The following JCAD variants were observed in gnomAD, a reference collection of about 807,000 sequenced individuals.
JCAD encodes the protein junctional cadherin 5 associated, also known as junctional cadherin 5-associated protein.
In JCAD, 40 loss-of-function variants were observed where a neutral mutation model predicts 98.0. The ratio of observed to expected loss-of-function variants is 0.41; its 90% CI spans 0.32 to 0.53. The LOEUF is 0.53. Ranked by LOEUF, JCAD falls within the 20% of genes least tolerant of loss-of-function variation. The probability of loss-of-function intolerance (pLI) is 0.31; values close to 1 mark genes in which losing one functional copy is unlikely to be tolerated. For missense variants in JCAD, 1,705 were observed against 1,738.1 expected (o/e 0.98, Z 0.34); for synonymous variants, 691 against 682.3 (o/e 1.01, Z -0.20).
At chr10:30,089,360 A>G (rs1838220697) in intron 1 of JCAD, among the ~76,000 whole-genome samples, 1 of 152,180 alleles carries the variant, frequency 6.6e-6, no homozygotes, top group African/African-American at 2.4e-5. Context: ...GGAGAAGAGC[A>G]TCTGTCTTCC....
upstream of JCAD, among the ~76,000 whole-genome samples, chr10:30,064,075 G>C (rs898011256): frequency 3.3e-5 from 5 of 152,134 alleles, no homozygotes; most frequent in Non-Finnish European, 7.4e-5. Flanking sequence ...AAAGTGGTGG[G>C]ATTACAGGTG....
At chr10:30,108,713 C>T (rs980801251) in intron 1 of JCAD, among the ~76,000 whole-genome samples, 4 of 152,174 alleles carry the variant, frequency 2.6e-5, no homozygotes, top group African/African-American at 9.7e-5. Context: ...ATTTCAGCCA[C>T]TACATGCTTC....
chr10:30,077,247 G>A (rs7076240), intron 1 of JCAD, among the ~76,000 whole-genome samples: 2,345 of 152,222 alleles, frequency 0.015, 53 homozygotes, highest in African/African-American at 0.053. Context: ...TGAGCAAATA[G>A]AATCAAATAG....
intron 1 of JCAD, among the ~76,000 whole-genome samples, chr10:30,080,888 C>T (rs1838070659): frequency 6.6e-6 from 1 of 152,248 alleles, no homozygotes; most frequent in African/African-American, 2.4e-5. Flanking sequence ...CAGCATCTTC[C>T]TGTCCATGAT....
intron 1 of JCAD, among the ~76,000 whole-genome samples, chr10:30,071,355 C>G (rs1467667273): frequency 5.3e-5 from 8 of 152,090 alleles, no homozygotes; most frequent in Non-Finnish European, 1.5e-5. Context: ...ATCAAAGAGG[C>G]ACTAGCATGT....
Position 30,079,054 on chromosome 10 carries a change from CTGCTGGTAA to C in JCAD, n.129-9242_129-9234del, listed in dbSNP as rs541328987. Among the ~76,000 whole-genome samples the C allele has an allele frequency of 1.6e-3, 239 of 152,298 alleles. 3 individuals are homozygous for C. Among genetic ancestry groups the C allele is most frequent in the Middle Eastern group, 0.01 (3 of 294 alleles). ...CAGTCAACAGCAGGGAAACCCACCT[CTGCTGGTAA>C]TGCCAGCCTAGAAATCTGGCTGAAC... On this transcript the variant is annotated intron_variant and non_coding_transcript_variant, in intron 1 of 2. Coordinates refer to the JCAD transcript ENST00000465712.
chr10:30,108,118 G>C (rs148416042), intron 1 of JCAD, among the ~76,000 whole-genome samples: 1 of 152,120 alleles, frequency 6.6e-6, no homozygotes, highest in East Asian at 1.9e-4. Context: ...TTTGAGACCC[G>C]CCTGGCCAAC....
chr10:30,050,239 C>T lies in JCAD; in HGVS notation c.-59-2368G>A, dbSNP rs539835447. ...CTGAAGGAGGACAATCGCTTGAACC[C>T]TGGAGGCGGAGGTGGCCATGAGCCA... On this transcript the variant is annotated intron_variant, in intron 1 of 3. Transcript: ENST00000375377. 2.0e-4 allele frequency among the ~76,000 whole-genome samples: 29 copies of T among 146,018 alleles called. 1 individual carries two copies. The South Asian group carries it at 5.2e-3, about 26-fold the overall frequency.
chr10:30,042,386 C>A (rs1316814708), intron 2 of JCAD, among the ~76,000 whole-genome samples: 1 of 147,432 alleles, frequency 6.8e-6, no homozygotes, highest in Non-Finnish European at 1.5e-5. Flanking sequence ...CGGGGAGACA[C>A]CCTAACCCAG....
At chr10:30,064,258 G>A (rs1308188424), upstream of JCAD, among the ~76,000 whole-genome samples, 5 of 152,014 alleles carry the variant, frequency 3.3e-5, no homozygotes, top group East Asian at 3.9e-4. Flanking sequence ...AGAGAGACAT[G>A]AGCTAGCATG....
intron 1 of JCAD, among the ~76,000 whole-genome samples, chr10:30,104,944 T>C (rs1356530622): frequency 6.6e-6 from 1 of 152,250 alleles, no homozygotes. Context: ...ATTGATTGAA[T>C]GTGCTAAGAG....
intron 1 of JCAD, among the ~76,000 whole-genome samples, chr10:30,088,132 C>A (rs1026280757): frequency 1.3e-5 from 2 of 152,198 alleles, no homozygotes; most frequent in African/African-American, 2.4e-5. Flanking sequence ...AGCCACCATG[C>A]CCAGCTGACT....
chr10:30,042,848 T>G (rs1837268856), intron 2 of JCAD, among the ~76,000 whole-genome samples: 1 of 152,100 alleles, frequency 6.6e-6, no homozygotes, highest in Non-Finnish European at 1.5e-5. Context: ...GAGGGAAACT[T>G]TACTGCTAGG....
intron 2 of JCAD, among the ~76,000 whole-genome samples, chr10:30,038,115 T>G (rs994828796): frequency 6.6e-6 from 1 of 152,126 alleles, no homozygotes; most frequent in Non-Finnish European, 1.5e-5. Flanking sequence ...CTTTTGATTT[T>G]GCAAGGTCTA....
chr10:30,090,849 G>A lies in JCAD; in HGVS notation n.129-21028C>T, dbSNP rs558105334. On this transcript the variant is annotated intron_variant and non_coding_transcript_variant, in intron 1 of 2. Transcript: ENST00000465712. ...ATGCTATTGATAAATAAGATGGGGG[G>A]CAAGGGAGGGAACCGGAGCCAAACC... is the stretch of plus-strand genomic sequence containing the variant. 9.2e-5 allele frequency among the ~76,000 whole-genome samples: 14 copies of A among 152,240 alleles called. No homozygotes were observed. In the South Asian group the frequency reaches 2.5e-3, roughly 27 times the overall value.
chr10:30,035,274 C>T (rs1043053541), intron 2 of JCAD, among the ~76,000 whole-genome samples: 1 of 152,170 alleles, frequency 6.6e-6, no homozygotes, highest in Admixed American at 6.5e-5. Context: ...TCAAAACTGC[C>T]ATATATAACA....
chr10:30,082,851 C>CAAAAAA (rs57450219), intron 1 of JCAD, among the ~76,000 whole-genome samples: 2 of 68,384 alleles, frequency 2.9e-5, no homozygotes, highest in African/African-American at 5.6e-5. Context: ...AACTCTGTCT[C>CAAAAAA]AAAAAAAAAA....
At chr10:30,043,127 C>T (rs1837274971) in intron 2 of JCAD, among the ~76,000 whole-genome samples, 1 of 152,134 alleles carries the variant, frequency 6.6e-6, no homozygotes, top group South Asian at 2.1e-4. Context: ...TGTCTTTCTC[C>T]CCAACAGAAT....
chr10:30,106,917 G>A (rs147198828), intron 1 of JCAD, among the ~76,000 whole-genome samples: 20 of 152,300 alleles, frequency 1.3e-4, no homozygotes, highest in African/African-American at 4.6e-4. Flanking sequence ...TCAAATGTAG[G>A]GAGACCACGG....
Sources: gnomAD v4.1 joint callset for allele counts (sites outside exome capture counted in the v4.1 genomes callset) on GRCh38, gnomAD v4.1.1 for gene constraint, MANE v1.5 for transcripts, NCBI Gene and HGNC (gene_info 2026-07-23, HGNC 2026-07-21) for gene names.